Variants in ANKRD36C observed in about 807,000 individuals in gnomAD.
ANKRD36C encodes the protein ankyrin repeat domain 36C, also known as ankyrin repeat domain-containing protein 36C.
In ANKRD36C, 61 loss-of-function variants were observed where a neutral mutation model predicts 276.4. That is an observed-to-expected ratio of 0.22 (90% CI 0.18 to 0.27). ANKRD36C has a LOEUF of 0.27. Ranked by LOEUF, ANKRD36C falls within the 10% of genes least tolerant of loss-of-function variation. The pLI, the probability that ANKRD36C is intolerant of heterozygous loss-of-function variation, is 1.00. For synonymous variants in ANKRD36C, 483 were observed against 680.1 expected, an observed-to-expected ratio of 0.71 and a Z score of 4.51; for missense variants, 1,447 against 2,032.3, an observed-to-expected ratio of 0.71 and a Z score of 5.54.
At chr2:95,908,972 T>A (rs916901919) in intron 42 of ANKRD36C, among the ~76,000 whole-genome samples, 1 of 151,114 alleles carries the variant, frequency 6.6e-6, no homozygotes, top group Non-Finnish European at 1.5e-5. Flanking sequence ...AACGTGGATA[T>A]GCCGAGTGAT....
intron 6 of ANKRD36C, among the ~76,000 whole-genome samples, chr2:95,965,780 G>GATATATATATAT (rs145122711): frequency 6.6e-6 from 1 of 150,798 alleles, no homozygotes; most frequent in Non-Finnish European, 1.5e-5. Flanking sequence ...GGATAGATCT[G>GATATATATATAT]ATATATATAT....
intron 16 of ANKRD36C, 71 bp from the exon 17 acceptor site, chr2:95,948,667 A>C: frequency 7.0e-7 from 1 of 1,418,900 alleles, no homozygotes; most frequent in Non-Finnish European, 9.5e-7. Flanking sequence ...CCGTCAGTCT[A>C]TACATGCAGG....
chr2:95,954,531 T>C (rs13017498), intron 13 of ANKRD36C, among the ~76,000 whole-genome samples: 1 of 152,158 alleles, frequency 6.6e-6, no homozygotes, highest in Non-Finnish European at 1.5e-5. Context: ...AGAGGGCCCA[T>C]TGATTCTTTT....
intron 34 of ANKRD36C, among the ~76,000 whole-genome samples, chr2:95,918,442 C>T (rs1249589580): frequency 2.6e-5 from 4 of 151,586 alleles, no homozygotes; most frequent in African/African-American, 9.7e-5. Flanking sequence ...AGGATTTACA[C>T]CATTATACTA....
intron 6 of ANKRD36C, among the ~76,000 whole-genome samples, chr2:95,967,439 T>TA (rs1678615228): frequency 6.6e-6 from 1 of 152,166 alleles, no homozygotes; most frequent in African/African-American, 2.4e-5. Context: ...CACAATAAGA[T>TA]ACCATCTCAC....
intron 54 of ANKRD36C, among the ~76,000 whole-genome samples, chr2:95,883,712 T>C (rs1216993409): frequency 6.6e-6 from 1 of 152,082 alleles, no homozygotes; most frequent in Non-Finnish European, 1.5e-5. Flanking sequence ...TGCCTGACAA[T>C]CCCTCTTCCT....
chr2:95,893,672 C>A, intron 44 of ANKRD36C, 24 bp downstream of exon 63: 1 of 1,602,920 alleles, frequency 6.2e-7, no homozygotes, highest in Non-Finnish European at 8.5e-7. Flanking sequence ...AACTCGTTCA[C>A]AATATAAATG....
chr2:95,924,136 G>T (rs541402739), intron 30 of ANKRD36C, among the ~76,000 whole-genome samples: 1 of 151,672 alleles, frequency 6.6e-6, no homozygotes, highest in Non-Finnish European at 1.5e-5. Context: ...TAACTGAGAA[G>T]GTACACAATT....
chr2:95,979,979 T>TA (rs1185337679), intron 5 of ANKRD36C, among the ~76,000 whole-genome samples: 7 of 151,734 alleles, frequency 4.6e-5, no homozygotes, highest in East Asian at 1.9e-4. Flanking sequence ...GCAACTGAAC[T>TA]AAAAAAAACA....
chr2:95,917,595 T>C (rs1315522408), intron 36 of ANKRD36C, among the ~76,000 whole-genome samples: 1 of 151,544 alleles, frequency 6.6e-6, no homozygotes, highest in East Asian at 2.0e-4. Flanking sequence ...GAGCCCCTTA[T>C]GTCTTGAACC....
At chr2:95,908,789 C>T in intron 42 of ANKRD36C, 92 bp from the exon 47 acceptor site, 1 of 1,522,716 alleles carries the variant, frequency 6.6e-7, no homozygotes, top group South Asian at 1.2e-5. Flanking sequence ...CCTCTGTCCT[C>T]CTGCCTGTAT....
At chr2:95,909,123 C>G (rs1676838811) in intron 42 of ANKRD36C, among the ~76,000 whole-genome samples, 1 of 146,444 alleles carries the variant, frequency 6.8e-6, no homozygotes, top group East Asian at 2.0e-4. Flanking sequence ...ATTCATCGTG[C>G]TCTTTAACTT....
intron 28 of ANKRD36C, among the ~76,000 whole-genome samples, chr2:95,926,222 TATA>T (rs1322535670): frequency 6.6e-6 from 1 of 151,608 alleles, no homozygotes; most frequent in Non-Finnish European, 1.5e-5. Context: ...AAATATAATA[TATA>T]AACCTTATCA....
chr2:95,989,463 T>G (rs964684211), intron 1 of ANKRD36C, among the ~76,000 whole-genome samples: 4 of 152,076 alleles, frequency 2.6e-5, no homozygotes, highest in African/African-American at 9.7e-5. Flanking sequence ...GAGTACATCT[T>G]CACACCTCAA....
intron 12 of ANKRD36C, among the ~76,000 whole-genome samples, chr2:95,957,109 A>G (rs927084118): frequency 6.6e-6 from 1 of 152,156 alleles, no homozygotes; most frequent in Non-Finnish European, 1.5e-5. Flanking sequence ...TGAGGTCAGG[A>G]GTTCGAAACC....
intron 42 of ANKRD36C, among the ~76,000 whole-genome samples, chr2:95,911,733 TA>T (rs1179338968): frequency 6.6e-6 from 1 of 151,412 alleles, no homozygotes; most frequent in Non-Finnish European, 1.5e-5. Context: ...TCCTCCGCAG[TA>T]ACCCCAAAAT....
chr2:95,897,557 C>T, intron 44 of ANKRD36C, 92 bp from the exon 59 acceptor site: 1 of 1,486,128 alleles, frequency 6.7e-7, no homozygotes, highest in Non-Finnish European at 9.1e-7. Context: ...CCTCCGTCCT[C>T]CTGCCTGTAT....
At chr2:95,933,338 T>C (rs1349344282) in intron 24 of ANKRD36C, among the ~76,000 whole-genome samples, 1 of 151,440 alleles carries the variant, frequency 6.6e-6, no homozygotes, top group Non-Finnish European at 1.5e-5. Context: ...TGGTAGTCTA[T>C]AGCATTGAAC....
rs1416035522 is a variant in ANKRD36C, at chr2:95,852,321, G to A, written c.5149-125C>T. ...TCAGAATCTTTTTTATTTATAAAAG[G>A]TCATAATCTAGGAGAAGTCATCCCA... On this transcript the variant is annotated intron_variant, in intron 64 of 66. Coordinates refer to ENST00000456556, the Ensembl canonical transcript of ANKRD36C. 20 of 786,136 alleles carry A rather than the reference G, an allele frequency of 2.5e-5. No individual in the cohort carries two copies. The East Asian group carries it at 3.0e-4, about 12-fold the overall frequency. 48.7% of individuals were successfully genotyped at this position (786,136 alleles called of 1,614,324 possible). A position where few individuals can be genotyped will look rare whatever the true frequency, so the allele number is the denominator to read the frequency against.
Sources: gnomAD v4.1 joint callset for allele counts (sites outside exome capture counted in the v4.1 genomes callset) on GRCh38, gnomAD v4.1.1 for gene constraint, MANE v1.5 for transcripts, NCBI Gene and HGNC (gene_info 2026-07-23, HGNC 2026-07-21) for gene names.